TCF4: variants seen among roughly 807,000 people sequenced by gnomAD.
TCF4 encodes the protein SL3-3 enhancer factor 2.
TCF4 carries 3 observed loss-of-function variants against 82.1 expected under a neutral mutation model. That is an observed-to-expected ratio of 0.04 (90% CI 0.02 to 0.09). The LOEUF is 0.09. TCF4 is among the 10% of genes least tolerant of loss of function. The probability of loss-of-function intolerance (pLI) is 1.00; values close to 1 mark genes in which losing one functional copy is unlikely to be tolerated. For missense variants in TCF4, 518 were observed against 852.7 expected (o/e 0.61, Z 4.89); for synonymous variants, 276 against 309.6 (o/e 0.89, Z 1.14).
chr18:55,622,027 T>C (rs2097721436), intron 2 of TCF4, among the ~76,000 whole-genome samples: 1 of 135,460 alleles, frequency 7.4e-6, no homozygotes, highest in Admixed American at 8.6e-5. Flanking sequence ...ATATACACTA[T>C]ATATTATATA....
At chr18:55,615,995 C>A (rs922715886) in intron 2 of TCF4, among the ~76,000 whole-genome samples, 1 of 151,898 alleles carries the variant, frequency 6.6e-6, no homozygotes, top group African/African-American at 2.4e-5. Context: ...TCACATAAAA[C>A]CTACCCTCTA....
chr18:55,256,020 C>A (rs1187364401), intron 14 of TCF4, among the ~76,000 whole-genome samples: 1 of 152,140 alleles, frequency 6.6e-6, no homozygotes, highest in Non-Finnish European at 1.5e-5. Flanking sequence ...GCTAGCTTTG[C>A]TACGTATTTG....
chr18:55,359,366 C>T (rs1278655187), intron 6 of TCF4, among the ~76,000 whole-genome samples: 4 of 152,194 alleles, frequency 2.6e-5, no homozygotes, highest in African/African-American at 9.6e-5. Flanking sequence ...TCCACTTCAT[C>T]TGAAAAATTC....
At chr18:55,229,135 C>A in intron 17 of TCF4, 59 bp from the exon 18 acceptor site, 1 of 1,584,730 alleles carries the variant, frequency 6.3e-7, no homozygotes, top group Middle Eastern at 1.7e-4. Flanking sequence ...AAGGTGTCTA[C>A]ATTACTTTGT....
chr18:55,577,081 ATT>A (rs984457571), intron 3 of TCF4, among the ~76,000 whole-genome samples: 2 of 146,048 alleles, frequency 1.4e-5, no homozygotes, highest in Admixed American at 6.9e-5. Context: ...ATATATATAT[ATT>A]ATATATACAT....
At chr18:55,585,048 G>C (rs1182146645) in intron 3 of TCF4, among the ~76,000 whole-genome samples, 2 of 152,010 alleles carry the variant, frequency 1.3e-5, no homozygotes, top group Non-Finnish European at 2.9e-5. Context: ...CTTAAATTAA[G>C]TGATGGAATT....
At chr18:55,289,071 A>G (rs187749625) in intron 8 of TCF4, among the ~76,000 whole-genome samples, 200 of 152,328 alleles carry the variant, frequency 1.3e-3, no homozygotes, top group African/African-American at 4.8e-3. Flanking sequence ...GTATCAGACG[A>G]ATGCCCACTG....
intron 8 of TCF4, among the ~76,000 whole-genome samples, chr18:55,319,975 A>C (rs180774148): frequency 1.4e-4 from 21 of 152,206 alleles, no homozygotes; most frequent in African/African-American, 5.1e-4. Flanking sequence ...TTTATAATGT[A>C]AGTCTTTCAT....
intron 3 of TCF4, among the ~76,000 whole-genome samples, chr18:55,485,350 A>T (rs1406585792): frequency 6.6e-6 from 1 of 152,226 alleles, no homozygotes; most frequent in Non-Finnish European, 1.5e-5. Context: ...GCACCCCAGT[A>T]GGTTTATGAA....
intron 8 of TCF4, among the ~76,000 whole-genome samples, chr18:55,331,589 G>A (rs775488630): frequency 2.0e-4 from 31 of 152,070 alleles, no homozygotes; most frequent in Non-Finnish European, 3.8e-4. Context: ...AGAGTTTGTC[G>A]GAAAAACACG....
intron 6 of TCF4, among the ~76,000 whole-genome samples, chr18:55,386,841 C>G (rs2146011169): frequency 6.6e-6 from 1 of 152,270 alleles, no homozygotes; most frequent in South Asian, 2.1e-4. Context: ...CTCCACTGTT[C>G]CTGAGCATTT....
intron 6 of TCF4, among the ~76,000 whole-genome samples, chr18:55,394,750 T>G (rs943126582): frequency 6.6e-6 from 1 of 152,164 alleles, no homozygotes; most frequent in Non-Finnish European, 1.5e-5. Context: ...TTCTATGAGA[T>G]TAGAAAACAA....
At chr18:55,393,381 T>C (rs549099430) in intron 6 of TCF4, among the ~76,000 whole-genome samples, 3 of 151,974 alleles carry the variant, frequency 2.0e-5, no homozygotes, top group African/African-American at 7.2e-5. Context: ...TTCTTAAGAG[T>C]AAGTGTTAAG....
rs1260925472 is a variant in TCF4 at position 55,238,218 on chromosome 18, A to G, written c.1351-3535T>C. Among the ~76,000 whole-genome samples, 3 of 152,382 alleles carry G rather than the reference A, an allele frequency of 2.0e-5. No individual in the cohort carries two copies. In the East Asian group the frequency reaches 5.8e-4, roughly 29 times the overall value. On this transcript the variant is annotated intron_variant, in intron 15 of 19. Coordinates refer to ENST00000354452, the MANE Select transcript of TCF4 (RefSeq NM_001083962.2). The stretch of plus-strand genomic sequence containing the variant: ...TGATAACCTTTTCATAGAGATAACA[A>G]TAGTCTAAAGTTAAAAGCCAGCTTA...
At chr18:55,341,169 C>T (rs184974358) in intron 8 of TCF4, among the ~76,000 whole-genome samples, 30 of 152,224 alleles carry the variant, frequency 2.0e-4, no homozygotes, top group Admixed American at 1.2e-3. Flanking sequence ...GTGTCTGAAA[C>T]GCTAGGCAGC....
intron 8 of TCF4, among the ~76,000 whole-genome samples, chr18:55,289,271 G>GCACA (rs1204270212): frequency 6.6e-6 from 1 of 152,174 alleles, no homozygotes; most frequent in East Asian, 1.9e-4. Flanking sequence ...CTCAGGGTTG[G>GCACA]CACAGATAAA....
intron 8 of TCF4, among the ~76,000 whole-genome samples, chr18:55,296,151 G>T (rs572742096): frequency 6.6e-6 from 1 of 151,430 alleles, no homozygotes; most frequent in South Asian, 2.1e-4. Flanking sequence ...TCCTGAAATA[G>T]GAAAGATGAA....
Position 55,226,265 on chromosome 18 carries a change from G to A in TCF4, c.*1770C>T, listed in dbSNP as rs1185388873. 1 of 135,340 alleles carries A rather than the reference G, an allele frequency of 7.4e-6. No homozygotes were observed. Among genetic ancestry groups the A allele is most frequent in the Non-Finnish European group, 1.7e-5 (1 of 60,386 alleles). 8.4% of individuals were successfully genotyped at this position (135,340 alleles called of 1,614,324 possible). ...GTGCTGATAGGTGGAAAAACTACTT[G>A]AACAGGGATTTTTTTTTTTCTTAAT... On this transcript the variant is annotated 3_prime_UTR_variant, in exon 20 of 20. Transcript: ENST00000354452.
chr18:55,334,877 C>T (rs2078312191), intron 8 of TCF4, among the ~76,000 whole-genome samples: 1 of 152,174 alleles, frequency 6.6e-6, no homozygotes. Flanking sequence ...AATATCTAAA[C>T]ATATCCTGAC....
Sources: allele counts gnomAD v4.1 joint callset (sites outside exome capture counted in the v4.1 genomes callset), GRCh38; gene constraint gnomAD v4.1.1; transcripts MANE v1.5; gene names NCBI Gene and HGNC (gene_info 2026-07-23, HGNC 2026-07-21).